Variants in CPA5 observed in about 807,000 individuals in gnomAD.
CPA5 encodes carboxypeptidase A5.
Under a neutral mutation model 52.2 loss-of-function variants are expected in CPA5, and 38 were observed. The observed-to-expected ratio is 0.73, with a 90% CI of 0.56 to 0.95. CPA5 has a LOEUF of 0.95. Among genes scored for constraint, CPA5 ranks in the 40% least tolerant of loss-of-function variants. The probability of loss-of-function intolerance (pLI) is 0.00; values close to 1 mark genes in which losing one functional copy is unlikely to be tolerated. For synonymous variants in CPA5, 198 were observed against 213.7 expected (o/e 0.93, Z 0.64); for missense variants, 519 against 566.7 (o/e 0.92, Z 0.86).
At chr7:130,365,981 C>T (rs1199624576) in intron 10 of CPA5, among the ~76,000 whole-genome samples, 1 of 152,222 alleles carries the variant, frequency 6.6e-6, no homozygotes, top group African/African-American at 2.4e-5. Context: ...GGTCCCCATC[C>T]CAGGTGAGGA....
At chr7:130,372,655 T>C (rs1796305970), downstream of CPA5, among the ~76,000 whole-genome samples, 1 of 152,204 alleles carries the variant, frequency 6.6e-6, no homozygotes, top group African/African-American at 2.4e-5. Flanking sequence ...TTACACTATA[T>C]TTGTTGAAAC....
downstream of CPA5, among the ~76,000 whole-genome samples, chr7:130,372,274 C>T (rs1265867300): frequency 6.6e-6 from 1 of 152,236 alleles, no homozygotes; most frequent in African/African-American, 2.4e-5. Context: ...CTCTCTGCAC[C>T]TGTCAGCACT....
chr7:130,373,164 G>A (rs782191576), downstream of CPA5, among the ~76,000 whole-genome samples: 8 of 152,156 alleles, frequency 5.3e-5, no homozygotes, highest in Admixed American at 4.6e-4. Flanking sequence ...ACTTAGACAC[G>A]CAAGTTGTAG....
At chr7:130,348,602 T>C (rs1172967003) in intron 4 of CPA5, among the ~76,000 whole-genome samples, 3 of 152,208 alleles carry the variant, frequency 2.0e-5, no homozygotes, top group Admixed American at 6.5e-5. Context: ...TTCTTGTCTG[T>C]GTTCATGTCC....
chr7:130,373,163 C>T (rs117429213), downstream of CPA5, among the ~76,000 whole-genome samples: 328 of 152,278 alleles, frequency 2.2e-3, no homozygotes, highest in East Asian at 0.024. Context: ...GACTTAGACA[C>T]GCAAGTTGTA....
intron 5 of CPA5, among the ~76,000 whole-genome samples, chr7:130,359,195 C>G (rs782028248): frequency 7.2e-5 from 11 of 152,206 alleles, no homozygotes; most frequent in Non-Finnish European, 1.5e-4. Context: ...ACTGTGAGCA[C>G]CTTTTTTCCC....
Position 130,362,539 on chromosome 7 carries a change from G to A in CPA5, c.636G>A (p.Lys212=). 1 of 1,610,544 alleles carries A rather than the reference G, an allele frequency of 6.2e-7. No homozygotes were observed. The highest frequency in any genetic ancestry group is 8.5e-7 in the Non-Finnish European group (1 of 1,177,038). The part of the protein sequence containing the change: ...THATGIWTAN[K]IVSDYGKDRV... ...CCACCGGCATCTGGACTGCCAATAA[G>A]GTCAGCATGGACCTGTAGCCAAGGT... The change falls in exon 8 of 13, where the codon AAG becomes AAA. Residue 212 remains lysine (K), a splice_region_variant and synonymous_variant. Transcript: ENST00000474905.
intron 10 of CPA5, among the ~76,000 whole-genome samples, chr7:130,366,895 G>C (rs1339838535): frequency 6.6e-6 from 1 of 152,226 alleles, no homozygotes. Context: ...GACAAGCCGA[G>C]GGGGCTCCCT....
intron 10 of CPA5, among the ~76,000 whole-genome samples, chr7:130,366,479 C>T (rs1006819113): frequency 1.3e-5 from 2 of 152,032 alleles, no homozygotes; most frequent in African/African-American, 2.4e-5. Flanking sequence ...AGAGATGGGG[C>T]GAAGGCAAAG....
At chr7:130,351,917 C>A (rs1795170076) in intron 5 of CPA5, among the ~76,000 whole-genome samples, 1 of 152,124 alleles carries the variant, frequency 6.6e-6, no homozygotes, top group African/African-American at 2.4e-5. Context: ...ACAGGCACAA[C>A]CTTATTCACA....
chr7:130,365,377 G>A (rs943105630), intron 10 of CPA5, among the ~76,000 whole-genome samples: 1 of 152,080 alleles, frequency 6.6e-6, no homozygotes, highest in East Asian at 1.9e-4. Context: ...ACTTCTGTGG[G>A]TCTCACCACA....
chr7:130,352,623 G>T (rs551260235), intron 5 of CPA5, among the ~76,000 whole-genome samples: 11 of 152,116 alleles, frequency 7.2e-5, no homozygotes, highest in Admixed American at 2.6e-4. Flanking sequence ...TGACAACTAG[G>T]GGGGAGTCAT....
At chr7:130,347,945 C>G (rs1794875145) in intron 4 of CPA5, 98 bp downstream of exon 4, 1 of 863,864 alleles carries the variant, frequency 1.2e-6, no homozygotes. Flanking sequence ...AACCTGCCCT[C>G]CTGAGGTCCC....
downstream of CPA5, among the ~76,000 whole-genome samples, chr7:130,369,637 G>C (rs188843356): frequency 2.8e-4 from 42 of 150,280 alleles, no homozygotes; most frequent in African/African-American, 8.0e-4. Flanking sequence ...GTGTGTGTGC[G>C]TGTGTGTGTG....
At chr7:130,347,714 T>C (rs782381567) in intron 3 of CPA5, 52 bp from the exon 4 acceptor site, 5 of 1,510,582 alleles carry the variant, frequency 3.3e-6, no homozygotes, top group Admixed American at 1.7e-5. Flanking sequence ...TGACACAGCC[T>C]TCCAGGGATC....
chr7:130,363,083 G>T (rs781855786), intron 9 of CPA5, 89 bp downstream of exon 9: 1 of 777,140 alleles, frequency 1.3e-6, no homozygotes, highest in South Asian at 1.7e-5. Context: ...AGCCCCTTCA[G>T]AGCCTCTTTG....
rs1794745432 is a variant in CPA5 at position 130,346,481 on chromosome 7, G to T, written c.-5G>T. On this transcript the variant is annotated 5_prime_UTR_variant, in exon 3 of 13. Transcript: ENST00000474905. The stretch of plus-strand genomic sequence containing the variant: ...AGCCCCTGAAGCTCACCAGGAGGAA[G>T]AAGCATGCAGGGCACCCCTGGAGGC... 2.5e-6 allele frequency: 4 copies of T among 1,606,932 alleles called. No homozygotes were observed. The highest frequency in any genetic ancestry group is 1.1e-5 in the South Asian group (1 of 90,818).
intron 4 of CPA5, among the ~76,000 whole-genome samples, chr7:130,348,925 C>A (rs554995610): frequency 8.1e-4 from 124 of 152,248 alleles, no homozygotes; most frequent in African/African-American, 2.6e-3. Context: ...GATGAAGTCT[C>A]GCACCTGCAC....
intron 3 of CPA5, among the ~76,000 whole-genome samples, chr7:130,347,045 A>T (rs1794797961): frequency 6.6e-6 from 1 of 152,062 alleles, no homozygotes; most frequent in Non-Finnish European, 1.5e-5. Flanking sequence ...CCCTCTGTGG[A>T]TGTACTTTGA....
Sources: allele counts gnomAD v4.1 joint callset (sites outside exome capture counted in the v4.1 genomes callset), GRCh38; gene constraint gnomAD v4.1.1; transcripts MANE v1.5; gene names NCBI Gene and HGNC (gene_info 2026-07-23, HGNC 2026-07-21).